The following PRM1 variants were observed in gnomAD, a reference collection of about 807,000 sequenced individuals.
PRM1 encodes sperm protamine P1.
PRM1 carries 4 observed loss-of-function variants against 4.8 expected under a neutral mutation model. That is an observed-to-expected ratio of 0.83 (90% CI 0.41 to 1.91). The LOEUF (loss-of-function observed/expected upper bound fraction) is 1.91. Among genes scored for constraint, PRM1 ranks in the 40% most tolerant of loss-of-function variants. The pLI is 0.03. For missense variants in PRM1, 88 were observed against 75.7 expected, an observed-to-expected ratio of 1.16 and a Z score of -0.61; for synonymous variants, 29 against 22.7, an observed-to-expected ratio of 1.28 and a Z score of -0.79.
chr16:11,281,127 T>G lies in PRM1; in HGVS notation c.112A>C (p.Arg38=), dbSNP rs1347799002. 1.2e-6 allele frequency: 2 copies of G among 1,614,044 alleles called. No homozygotes were observed. The highest frequency in any genetic ancestry group is 2.7e-5 in the African/African-American group (2 of 74,930). The stretch of plus-strand genomic sequence containing the variant: ...CCCACCCTCAGCTGGGCCCACTTAC[T>G]CATGGCTCTCCTCCGTGTCTGGCAG... ...RSCQTRRRAM[R]CCRPRYRPRC... is the part of the protein sequence containing the mutation. Residue 38 remains arginine, a splice_region_variant and synonymous_variant, in exon 1 of 2, where the codon AGG becomes CGG. Coordinates refer to ENST00000312511, the MANE Select transcript of PRM1 (RefSeq NM_002761.3).
chr16:11,281,141 C>A lies in PRM1; in HGVS notation c.98G>T (p.Arg33Leu), dbSNP rs141103076. Residue 33 changes from arginine to leucine, a missense_variant, in exon 1 of 2, where the codon CGG becomes CTG. Transcript: ENST00000312511. ...RRRRRRSCQT[R>L]RRAMRCCRPR... ...GGCCCACTTACTCATGGCTCTCCTC[C>A]GTGTCTGGCAGCTCCGCCTCCTTCG... 27 of 1,614,214 alleles carry A rather than the reference C, an allele frequency of 1.7e-5. No homozygotes were observed. Among genetic ancestry groups the A allele is most frequent in the South Asian group, 2.2e-5 (2 of 91,084 alleles).
Position 11,281,293 on chromosome 16 carries a change from C to A in PRM1, c.-55G>T. Reference sequence around the variant, plus strand: ...AGAGCAGGGCACCACCTTGGCTGAGCCAGCCAACCTGTGAGCAGGTGGAAC... The same window carrying A: ...AGAGCAGGGCACCACCTTGGCTGAGACAGCCAACCTGTGAGCAGGTGGAAC... On this transcript the variant is annotated 5_prime_UTR_variant, in exon 1 of 2. Transcript: ENST00000312511. The A allele has an allele frequency of 6.7e-7, 1 of 1,492,800 alleles. No individual in the cohort carries two copies. The highest frequency in any genetic ancestry group is 9.3e-7 in the Non-Finnish European group (1 of 1,072,602). 92.5% of individuals were successfully genotyped at this position (1,492,800 alleles called of 1,614,324 possible).
chr16:11,281,144 G>T lies in PRM1; in HGVS notation c.95C>A (p.Thr32Lys). The T allele has an allele frequency of 2.5e-6, 4 of 1,614,198 alleles. No individual in the cohort carries two copies. Among genetic ancestry groups the T allele is most frequent in the Non-Finnish European group, 3.4e-6 (4 of 1,180,036 alleles). ...SRRRRRRSCQ[T>K]RRRAMRCCRP... Reference sequence around the variant, plus strand: ...CCACTTACTCATGGCTCTCCTCCGTGTCTGGCAGCTCCGCCTCCTTCGTCT... The same window carrying T: ...CCACTTACTCATGGCTCTCCTCCGTTTCTGGCAGCTCCGCCTCCTTCGTCT... The change falls in exon 1 of 2, where the codon ACA becomes AAA. Residue 32 changes from threonine to lysine, a missense_variant. Coordinates refer to ENST00000312511, the MANE Select transcript of PRM1 (RefSeq NM_002761.3).
intron 1 of PRM1, 38 bp from the exon 2 acceptor site, chr16:11,281,073 GC>G: frequency 1.2e-6 from 2 of 1,613,986 alleles, no homozygotes; most frequent in Non-Finnish European, 1.7e-6. Context: ...GGAAGGCTGG[GC>G]CCTGAGAGCT....
At position 11,280,964 on chromosome 16, in the gene PRM1, A is replaced by C. The variant is rs780066589; in HGVS notation, c.*28T>G. 6.2e-7 allele frequency: 1 copy of C among 1,603,016 alleles called. No individual in the cohort carries two copies. The highest frequency in any genetic ancestry group is 8.5e-7 in the Non-Finnish European group (1 of 1,169,774). ...AAGTCTGGTAACATTCTCAGGCAGG[A>C]GTTTGGTGGATGTGCTATTTTGTGC... On this transcript the variant is annotated 3_prime_UTR_variant, in exon 2 of 2. Coordinates refer to ENST00000312511, the MANE Select transcript of PRM1 (RefSeq NM_002761.3).
At position 11,280,879 on chromosome 16, in the gene PRM1, TAGC is replaced by T. The variant is rs1366734256; in HGVS notation, c.*110_*112del. ...TTTATTGACAGGCGGCATTGTTCCTTAGCAGGCTCCTGATTTTTATTGGATGGT... is the reference window on the plus strand; with the variant it reads ...TTTATTGACAGGCGGCATTGTTCCTTAGGCTCCTGATTTTTATTGGATGGT... On this transcript the variant is annotated 3_prime_UTR_variant, in exon 2 of 2. Transcript: ENST00000312511. 12 of 1,212,936 alleles carry T rather than the reference TAGC, an allele frequency of 9.9e-6. No homozygotes were observed. In the Admixed American group the frequency reaches 1.3e-4, roughly 14 times the overall value. 75.1% of individuals were successfully genotyped at this position (1,212,936 alleles called of 1,614,324 possible).
chr16:11,281,166 G>T lies in PRM1; in HGVS notation c.73C>A (p.Arg25=), dbSNP rs754737725. The T allele has an allele frequency of 1.2e-6, 2 of 1,614,118 alleles. No individual in the cohort carries two copies. The highest frequency in any genetic ancestry group is 1.7e-6 in the Non-Finnish European group (2 of 1,180,030). Residue 25 remains arginine, a synonymous_variant, in exon 1 of 2, where the codon CGA becomes AGA. Coordinates refer to ENST00000312511, the MANE Select transcript of PRM1 (RefSeq NM_002761.3). ...YYRQRQRSRR[R]RRRSCQTRRR... is the part of the protein sequence containing the mutation. The stretch of plus-strand genomic sequence containing the variant: ...CGTGTCTGGCAGCTCCGCCTCCTTC[G>T]TCTGCGACTTCTTTGTCTCTGGCGG...
chr16:11,280,931 G>C lies in PRM1; in HGVS notation c.*61C>G. The C allele has an allele frequency of 6.5e-7, 1 of 1,534,776 alleles. No homozygotes were observed. On this transcript the variant is annotated 3_prime_UTR_variant, in exon 2 of 2. Coordinates refer to ENST00000312511, the MANE Select transcript of PRM1 (RefSeq NM_002761.3). ...GTGGCATTTTCAAGATGTGGCAAGA[G>C]GATCTTGAAGTCTGGTAACATTCTC...
Position 11,281,226 on chromosome 16 carries a change from T to C in PRM1, c.13A>G (p.Arg5Gly). 1 of 1,614,090 alleles carries C rather than the reference T, an allele frequency of 6.2e-7. No individual in the cohort carries two copies. Among genetic ancestry groups the C allele is most frequent in the Admixed American group, 1.7e-5 (1 of 60,026 alleles). The change falls in exon 1 of 2, where the codon AGA becomes GGA. Residue 5 changes from arginine to glycine, a missense_variant. By Grantham distance (125) the Arg-to-Gly change is moderately radical. Transcript: ENST00000312511. ...CTCCGGCTCTGGCTGCGACAGCATC[T>C]GTACCTGGCCATGGTGCAGGATGGG... MARY[R>G]CCRSQSRSRY...
In PRM1 at chr16:11,281,105, A is replaced by G. The variant is rs1189089427; in HGVS notation, c.112+22T>C. 4 of 1,613,720 alleles carry G rather than the reference A, an allele frequency of 2.5e-6. No individual in the cohort carries two copies. In the Admixed American group the frequency reaches 5.0e-5, roughly 20 times the overall value. ...GAGCTCCCAGCCTCAGCCCCAGCCC[A>G]CCCTCAGCTGGGCCCACTTACTCAT... On this transcript the variant is annotated intron_variant, in intron 1 of 1. Coordinates refer to ENST00000312511, the MANE Select transcript of PRM1 (RefSeq NM_002761.3).
In PRM1 at chr16:11,281,159, C is replaced by G. The variant is rs1316471702; in HGVS notation, c.80G>C (p.Arg27Thr). 6.2e-7 allele frequency: 1 copy of G among 1,614,230 alleles called. No homozygotes were observed. The highest frequency in any genetic ancestry group is 1.1e-5 in the South Asian group (1 of 91,086). ...RQRQRSRRRR[R>T]RSCQTRRRAM... ...TCTCCTCCGTGTCTGGCAGCTCCGC[C>G]TCCTTCGTCTGCGACTTCTTTGTCT... Residue 27 changes from arginine to threonine, a missense_variant, in exon 1 of 2, where the codon AGG (arginine) becomes ACG (threonine). Physicochemically the swap from Arg to Thr is moderately conservative, Grantham distance 71 (BLOSUM62 -1). Coordinates refer to ENST00000312511, the MANE Select transcript of PRM1 (RefSeq NM_002761.3).
chr16:11,280,980 T>G lies in PRM1; in HGVS notation c.*12A>C, dbSNP rs2069942534. On this transcript the variant is annotated 3_prime_UTR_variant, in exon 2 of 2. Transcript: ENST00000312511. Reference sequence around the variant, plus strand: ...TCAGGCAGGAGTTTGGTGGATGTGCTATTTTGTGCAATTAGTGTCTTCTAC... The same window carrying G: ...TCAGGCAGGAGTTTGGTGGATGTGCGATTTTGTGCAATTAGTGTCTTCTAC... The G allele has an allele frequency of 6.2e-7, 1 of 1,611,916 alleles. No individual in the cohort carries two copies. Among genetic ancestry groups the G allele is most frequent in the Non-Finnish European group, 8.5e-7 (1 of 1,177,898 alleles).
Position 11,281,206 on chromosome 16 carries a change from G to T in PRM1, c.33C>A (p.Ser11Arg), listed in dbSNP as rs761896739. The T allele has an allele frequency of 1.9e-6, 3 of 1,614,112 alleles. No homozygotes were observed. The highest frequency in any genetic ancestry group is 2.5e-6 in the Non-Finnish European group (3 of 1,180,040). MARYRCCRSQ[S>R]RSRYYRQRQR... ...GTCTCTGGCGGTAATATCTGCTCCG[G>T]CTCTGGCTGCGACAGCATCTGTACC... is the stretch of plus-strand genomic sequence containing the variant. Residue 11 changes from serine to arginine, a missense_variant, in exon 1 of 2, where the codon AGC (serine) becomes AGA (arginine). Transcript: ENST00000312511.
rs759928518 is a variant in PRM1, at chr16:11,281,110, C to T, written c.112+17G>A. ...CCCAGCCTCAGCCCCAGCCCACCCT[C>T]AGCTGGGCCCACTTACTCATGGCTC... On this transcript the variant is annotated intron_variant, in intron 1 of 1. Coordinates refer to ENST00000312511, the MANE Select transcript of PRM1 (RefSeq NM_002761.3). 10 of 1,613,246 alleles carry T rather than the reference C, an allele frequency of 6.2e-6. No individual in the cohort carries two copies. The East Asian group carries it at 2.0e-4, about 32-fold the overall frequency.
At position 11,281,271 on chromosome 16, in the gene PRM1, G is replaced by A; in HGVS notation, c.-33C>T. On this transcript the variant is annotated 5_prime_UTR_variant, in exon 1 of 2. Transcript: ENST00000312511. Reference sequence around the variant, plus strand: ...GATGGGCTTGGCCTGAATGCTCAGAGCAGGGCACCACCTTGGCTGAGCCAG... The same window carrying A: ...GATGGGCTTGGCCTGAATGCTCAGAACAGGGCACCACCTTGGCTGAGCCAG... 1.3e-6 allele frequency: 2 copies of A among 1,593,460 alleles called. No individual in the cohort carries two copies. The highest frequency in any genetic ancestry group is 1.7e-6 in the Non-Finnish European group (2 of 1,162,398).
At position 11,280,968 on chromosome 16, in the gene PRM1, T is replaced by C. The variant is rs1238236300; in HGVS notation, c.*24A>G. 6.2e-7 allele frequency: 1 copy of C among 1,606,858 alleles called. No individual in the cohort carries two copies. On this transcript the variant is annotated 3_prime_UTR_variant, in exon 2 of 2. Transcript: ENST00000312511. ...CTGGTAACATTCTCAGGCAGGAGTTTGGTGGATGTGCTATTTTGTGCAATT... is the reference window on the plus strand; with the variant it reads ...CTGGTAACATTCTCAGGCAGGAGTTCGGTGGATGTGCTATTTTGTGCAATT...
At position 11,281,005 on chromosome 16, in the gene PRM1, C is replaced by T. The variant is rs1810075181; in HGVS notation, c.143G>A (p.Cys48Tyr). The T allele has an allele frequency of 1.2e-5, 20 of 1,613,916 alleles. No homozygotes were observed. Among genetic ancestry groups the T allele is most frequent in the Non-Finnish European group, 1.7e-5 (20 of 1,179,756 alleles). The part of the protein sequence containing the change: ...RCCRPRYRPR[C>Y]RRH Reference sequence around the variant, plus strand: ...TATTTTGTGCAATTAGTGTCTTCTACATCGCGGTCTGTACCTGGGGCGGCA... The same window carrying T: ...TATTTTGTGCAATTAGTGTCTTCTATATCGCGGTCTGTACCTGGGGCGGCA... The change falls in exon 2 of 2, where the codon TGT becomes TAT. Residue 48 changes from cysteine (C) to tyrosine (Y), a missense_variant. Coordinates refer to ENST00000312511, the MANE Select transcript of PRM1 (RefSeq NM_002761.3).
intron 1 of PRM1, 42 bp from the exon 2 acceptor site, chr16:11,281,077 T>G: frequency 6.2e-7 from 1 of 1,613,404 alleles, no homozygotes; most frequent in Non-Finnish European, 8.5e-7. Flanking sequence ...GGCTGGGCCC[T>G]GAGAGCTCCC....
Position 11,280,996 on chromosome 16 carries a change from T to C in PRM1, c.152A>G (p.His51Arg), listed in dbSNP as rs769451609. 2 of 1,613,542 alleles carry C rather than the reference T, an allele frequency of 1.2e-6. No individual in the cohort carries two copies. Among genetic ancestry groups the C allele is most frequent in the Admixed American group, 1.7e-5 (1 of 60,026 alleles). The change falls in exon 2 of 2, where the codon CAC (histidine) becomes CGC (arginine). Residue 51 changes from histidine (H) to arginine (R), a missense_variant. Transcript: ENST00000312511. The stretch of plus-strand genomic sequence containing the variant: ...TGGATGTGCTATTTTGTGCAATTAG[T>C]GTCTTCTACATCGCGGTCTGTACCT... ...RPRYRPRCRRH is the reference protein window; with the variant it reads ...RPRYRPRCRRR
Sources: allele counts gnomAD v4.1 joint callset, GRCh38; gene constraint gnomAD v4.1.1; transcripts MANE v1.5; gene names NCBI Gene and HGNC (gene_info 2026-07-23, HGNC 2026-07-21).